Variants in ZNF215 observed in about 807,000 individuals in gnomAD.
ZNF215 encodes the protein BWSCR2-associated zinc finger protein 2.
ZNF215 carries 24 observed loss-of-function variants against 27.2 expected under a neutral mutation model. That is an observed-to-expected ratio of 0.88 (90% CI 0.64 to 1.24). The LOEUF (loss-of-function observed/expected upper bound fraction) is 1.24. Ranked by LOEUF, ZNF215 falls within the 50% of genes most tolerant of loss-of-function variation. ZNF215 has a pLI of 0.00. For missense variants in ZNF215, 675 were observed against 605.7 expected, an observed-to-expected ratio of 1.11 and a Z score of -1.20; for synonymous variants, 210 against 204.0, an observed-to-expected ratio of 1.03 and a Z score of -0.25.
rs150900720 is a variant in ZNF215 at position 6,941,677 on chromosome 11, C to T, written c.483+24C>T. 1.9e-6 allele frequency: 3 copies of T among 1,611,844 alleles called. No individual in the cohort carries two copies. In the African/African-American group the frequency reaches 4.0e-5, roughly 21 times the overall value. On this transcript the variant is annotated intron_variant, in intron 4 of 6. Transcript: ENST00000278319. The stretch of plus-strand genomic sequence containing the variant: ...AGGTGAATTAGGATTCTAGTCTTTA[C>T]TGAACACATATGCTCATTTTTAGTA...
intron 6 of ZNF215, among the ~76,000 whole-genome samples, chr11:6,954,502 G>A (rs1198376190): frequency 6.6e-6 from 1 of 152,234 alleles, no homozygotes; most frequent in Admixed American, 6.5e-5. Context: ...TGCTGTGCTA[G>A]CAGTCAGGGA....
At chr11:6,977,784 A>G (rs1284659863) in intron 5 of ZNF215, among the ~76,000 whole-genome samples, 1 of 151,998 alleles carries the variant, frequency 6.6e-6, no homozygotes, top group African/African-American at 2.4e-5. Context: ...TAATGAATAC[A>G]CTCTTGTGAC....
At chr11:6,970,039 C>A (rs1039887111) in intron 5 of ZNF215, among the ~76,000 whole-genome samples, 15 of 152,136 alleles carry the variant, frequency 9.9e-5, no homozygotes, top group Admixed American at 7.2e-4. Flanking sequence ...GCCTGGGCCT[C>A]CCATAGTGCT....
At chr11:6,939,082 C>G (rs138104807) in intron 3 of ZNF215, among the ~76,000 whole-genome samples, 1 of 152,126 alleles carries the variant, frequency 6.6e-6, no homozygotes, top group East Asian at 1.9e-4. Flanking sequence ...ATGCATTTAG[C>G]TATTGATTTA....
At chr11:6,982,194 C>G (rs907953033) in intron 5 of ZNF215, among the ~76,000 whole-genome samples, 10 of 151,986 alleles carry the variant, frequency 6.6e-5, no homozygotes, top group African/African-American at 1.9e-4. Context: ...ATAAATTACC[C>G]GGGGCAGTAT....
At chr11:6,941,350 C>T (rs529539348) in intron 3 of ZNF215, among the ~76,000 whole-genome samples, 4 of 152,272 alleles carry the variant, frequency 2.6e-5, no homozygotes, top group African/African-American at 9.6e-5. Flanking sequence ...TTCAGTAGAT[C>T]TCAGCCCATG....
chr11:6,953,248 A>G (rs1036599405), intron 6 of ZNF215, among the ~76,000 whole-genome samples: 4 of 152,088 alleles, frequency 2.6e-5, no homozygotes, highest in South Asian at 2.1e-4. Context: ...TGTTTGTGGC[A>G]TTCTCTGTAT....
downstream of ZNF215, among the ~76,000 whole-genome samples, chr11:6,961,904 T>C (rs1850523767): frequency 6.6e-6 from 1 of 152,148 alleles, no homozygotes; most frequent in South Asian, 2.1e-4. Context: ...AATGCCAATG[T>C]TTCCCCAACA....
At chr11:6,953,679 A>G (rs1383966995) in intron 6 of ZNF215, among the ~76,000 whole-genome samples, 1 of 152,154 alleles carries the variant, frequency 6.6e-6, no homozygotes, top group African/African-American at 2.4e-5. Context: ...CTTTGGTTTG[A>G]ATTTCCTCCT....
chr11:6,966,276 A>G (rs188297078), intron 5 of ZNF215, among the ~76,000 whole-genome samples: 12 of 152,282 alleles, frequency 7.9e-5, no homozygotes, highest in Non-Finnish European at 1.5e-4. Flanking sequence ...CAAATACCGC[A>G]TGAGTACACA....
chr11:6,974,823 T>C (rs1826007583), intron 5 of ZNF215, among the ~76,000 whole-genome samples: 1 of 152,136 alleles, frequency 6.6e-6, no homozygotes, highest in African/African-American at 2.4e-5. Flanking sequence ...AGATATACAA[T>C]CATGTCATCT....
chr11:6,929,075 G>A (rs1271074545), intron 2 of ZNF215, among the ~76,000 whole-genome samples: 1 of 152,078 alleles, frequency 6.6e-6, no homozygotes, highest in African/African-American at 2.4e-5. Flanking sequence ...TTTCTATCCC[G>A]CGAGACCCAG....
chr11:6,950,396 C>G (rs954296581), intron 6 of ZNF215, among the ~76,000 whole-genome samples: 4 of 152,032 alleles, frequency 2.6e-5, no homozygotes, highest in African/African-American at 9.7e-5. Context: ...TTTGTATCCT[C>G]TTTAATTTCA....
chr11:6,974,626 T>A (rs1850792292), intron 5 of ZNF215, among the ~76,000 whole-genome samples: 2 of 152,308 alleles, frequency 1.3e-5, no homozygotes, highest in East Asian at 3.9e-4. Context: ...TAAGTTGGAT[T>A]CCTAGGTATT....
rs775352862 is a variant in ZNF215, at chr11:6,943,575, C to G, written c.646C>G (p.Leu216Val). The change falls in exon 6 of 7, where the codon CTT becomes GTT. Residue 216 changes from leucine (L) to valine (V), a missense_variant. By Grantham distance (32) the Leu-to-Val change is conservative (BLOSUM62 1). Transcript: ENST00000278319. Reference sequence around the variant, plus strand: ...TCTACTTTCCAAACCATTTGAGAGCCTTAAGTTGGAGAGTAAGAAAAAAAG... The same window carrying G: ...TCTACTTTCCAAACCATTTGAGAGCGTTAAGTTGGAGAGTAAGAAAAAAAG... ...AHLLSKPFES[L>V]KLESKKKRWI... is the part of the protein sequence containing the mutation. 1 of 1,613,794 alleles carries G rather than the reference C, an allele frequency of 6.2e-7. No homozygotes were observed. Among genetic ancestry groups the G allele is most frequent in the South Asian group, 1.1e-5 (1 of 91,050 alleles).
At chr11:6,982,900 C>T (rs1850987354) in intron 5 of ZNF215, among the ~76,000 whole-genome samples, 1 of 151,526 alleles carries the variant, frequency 6.6e-6, no homozygotes, top group Non-Finnish European at 1.5e-5. Context: ...CAAGAAATAA[C>T]TAAAATCAGA....
At chr11:6,943,735 G>A (rs1849717001) in intron 6 of ZNF215, 94 bp downstream of exon 6, 1 of 993,186 alleles carries the variant, frequency 1.0e-6, no homozygotes, top group South Asian at 1.5e-5. Flanking sequence ...TGTTAGTTGG[G>A]AAGGAGATAG....
At chr11:6,989,456 C>T (rs1851095408), downstream of ZNF215, among the ~76,000 whole-genome samples, 1 of 152,098 alleles carries the variant, frequency 6.6e-6, no homozygotes, top group Non-Finnish European at 1.5e-5. Flanking sequence ...TGAACACCTA[C>T]CTGGAACATC....
intron 3 of ZNF215, among the ~76,000 whole-genome samples, chr11:6,934,640 C>G (rs929695524): frequency 6.6e-6 from 1 of 152,158 alleles, no homozygotes; most frequent in Non-Finnish European, 1.5e-5. Flanking sequence ...AGCTCTTGCT[C>G]ACTCATGGTG....
Sources: gnomAD v4.1 joint callset for allele counts (sites outside exome capture counted in the v4.1 genomes callset) on GRCh38, gnomAD v4.1.1 for gene constraint, MANE v1.5 for transcripts, NCBI Gene and HGNC (gene_info 2026-07-23, HGNC 2026-07-21) for gene names.